The following SNX16 variants were observed in gnomAD, a reference collection of about 807,000 sequenced individuals.
The protein encoded by SNX16 is sorting nexin-16.
A neutral mutation model predicts 36.7 loss-of-function variants in SNX16; 35 were observed. The observed-to-expected ratio is 0.95, with a 90% confidence interval of 0.73 to 1.27. The LOEUF is 1.27. Among genes scored for constraint, SNX16 ranks in the 50% most tolerant of loss-of-function variants. The pLI is 0.00. For synonymous variants in SNX16, 134 were observed against 132.0 expected (o/e 1.02, Z -0.10); for missense variants, 367 against 393.6 (o/e 0.93, Z 0.57).
chr8:81,822,720 T>C (rs1346958353), intron 4 of SNX16, among the ~76,000 whole-genome samples: 1 of 152,000 alleles, frequency 6.6e-6, no homozygotes, highest in African/African-American at 2.4e-5. Context: ...GAAAAAAGTC[T>C]GCATACTAAA....
intron 2 of SNX16, among the ~76,000 whole-genome samples, chr8:81,836,519 G>C (rs1242026899): frequency 6.6e-6 from 1 of 152,146 alleles, no homozygotes; most frequent in Non-Finnish European, 1.5e-5. Flanking sequence ...TTAAATGGCA[G>C]CCATATCTTC....
chr8:81,813,298 A>T (rs1361372532), intron 5 of SNX16, among the ~76,000 whole-genome samples: 2 of 152,002 alleles, frequency 1.3e-5, no homozygotes, highest in Non-Finnish European at 2.9e-5. Context: ...TAGAATTAAG[A>T]GTCCAGAAAC....
Position 81,839,906 on chromosome 8 carries a change from ACTT to A in SNX16, c.78_80del (p.Arg26del). 4 of 1,613,914 alleles carry A rather than the reference ACTT, an allele frequency of 2.5e-6. No individual in the cohort carries two copies. The South Asian group carries it at 4.4e-5, about 18-fold the overall frequency. On this transcript the variant is annotated inframe_deletion, in exon 2 of 8. Transcript: ENST00000345957. Reference sequence around the variant, plus strand: ...TTGTTGAGACACTGCCAAAAGAAGAACTTCTTTGATTTCTGTTTGTTGTAAAAC... The same window carrying A: ...TTGTTGAGACACTGCCAAAAGAAGAACTTTGATTTCTGTTTGTTGTAAAAC...
intron 5 of SNX16, chr8:81,808,474 G>A: frequency 1.0e-6 from 1 of 983,744 alleles, no homozygotes; most frequent in Non-Finnish European, 1.6e-6. Flanking sequence ...TGTGGTGGTG[G>A]GGGATATGGT....
chr8:81,805,771 A>G (rs1313006948), intron 5 of SNX16, among the ~76,000 whole-genome samples: 1 of 152,026 alleles, frequency 6.6e-6, no homozygotes, highest in Non-Finnish European at 1.5e-5. Context: ...ATACAAAAAA[A>G]TTAGCTGGGC....
chr8:81,821,301 C>A (rs1810730172), intron 4 of SNX16, among the ~76,000 whole-genome samples: 1 of 151,604 alleles, frequency 6.6e-6, no homozygotes, highest in Non-Finnish European at 1.5e-5. Context: ...CTCAAATGGC[C>A]CTAGTAATCT....
chr8:81,828,785 C>T (rs61366694), intron 3 of SNX16, among the ~76,000 whole-genome samples: 13,612 of 152,244 alleles, frequency 0.089, 703 homozygotes, highest in East Asian at 0.18. Context: ...ACTTGGCTCA[C>T]TGTTGCTGGC....
intron 4 of SNX16, among the ~76,000 whole-genome samples, chr8:81,822,138 GAGA>G (rs1810775457): frequency 6.6e-6 from 1 of 152,070 alleles, no homozygotes; most frequent in Non-Finnish European, 1.5e-5. Flanking sequence ...CTCTGTGATA[GAGA>G]ACTGACCTAG....
At chr8:81,838,574 G>GAA (rs534067391) in intron 2 of SNX16, among the ~76,000 whole-genome samples, 7 of 108,800 alleles carry the variant, frequency 6.4e-5, no homozygotes, top group African/African-American at 1.3e-4. Context: ...GTCCCATCTG[G>GAA]AAAAAAAAAA....
intron 2 of SNX16, among the ~76,000 whole-genome samples, chr8:81,836,205 T>C (rs1811487562): frequency 6.6e-6 from 1 of 152,208 alleles, no homozygotes; most frequent in African/African-American, 2.4e-5. Context: ...TTAAACAACC[T>C]TTTTAAAGAC....
At chr8:81,838,087 A>AATTTT (rs1388993426) in intron 2 of SNX16, among the ~76,000 whole-genome samples, 1 of 152,200 alleles carries the variant, frequency 6.6e-6, no homozygotes, top group Non-Finnish European at 1.5e-5. Flanking sequence ...TAAAAGGACA[A>AATTTT]ATTATATAAA....
chr8:81,817,807 C>T (rs915252332), intron 4 of SNX16, among the ~76,000 whole-genome samples: 17 of 152,100 alleles, frequency 1.1e-4, no homozygotes, highest in African/African-American at 2.2e-4. Flanking sequence ...AAAGGAAACC[C>T]TCACCCTTGC....
Position 81,823,836 on chromosome 8 carries a change from T to G in SNX16, c.567A>C (p.Gln189His). The change falls in exon 4 of 8, where the codon CAA becomes CAC. Residue 189 changes from glutamine to histidine, a missense_variant. By Grantham distance (24) the Gln-to-His change is conservative (BLOSUM62 0). Coordinates refer to ENST00000345957, the MANE Select transcript of SNX16 (RefSeq NM_152836.3). Reference sequence around the variant, plus strand: ...GAGCTACTAAATTTTGAAGAAACGCTTGTAATCCTAATTGTCTGTCTTCTA... The same window carrying G: ...GAGCTACTAAATTTTGAAGAAACGCGTGTAATCCTAATTGTCTGTCTTCTA... Reference protein sequence around the residue: ...DFLEDRQLGLQAFLQNLVAHK... With the variant: ...DFLEDRQLGLHAFLQNLVAHK... 3 of 1,611,780 alleles carry G rather than the reference T, an allele frequency of 1.9e-6. No homozygotes were observed. In the South Asian group the frequency reaches 3.3e-5, roughly 18 times the overall value.
chr8:81,822,794 G>C (rs1228952794), intron 4 of SNX16, among the ~76,000 whole-genome samples: 6 of 151,794 alleles, frequency 4.0e-5, no homozygotes, highest in African/African-American at 1.5e-4. Context: ...GGAGACAACT[G>C]CATATATCAA....
At chr8:81,825,519 A>C (rs1188967635) in intron 3 of SNX16, among the ~76,000 whole-genome samples, 1 of 152,138 alleles carries the variant, frequency 6.6e-6, no homozygotes. Flanking sequence ...GTGGAATCCA[A>C]AGTGTAATTA....
chr8:81,822,935 T>C (rs1364010563), intron 4 of SNX16, among the ~76,000 whole-genome samples: 7 of 101,856 alleles, frequency 6.9e-5, no homozygotes, highest in Admixed American at 2.2e-4. Flanking sequence ...TGTATATATA[T>C]ATATACATAT....
At chr8:81,815,593 T>C in intron 4 of SNX16, 199 bp from the exon 5 acceptor site, 1 of 436,584 alleles carries the variant, frequency 2.3e-6, no homozygotes, top group Admixed American at 3.4e-5. Flanking sequence ...AACATAAATA[T>C]CACAAATTTA....
At chr8:81,807,971 A>AG in intron 5 of SNX16, 1 of 788,980 alleles carries the variant, frequency 1.3e-6, no homozygotes. Context: ...ACTGTGGGGG[A>AG]GGTGGATGCA....
chr8:81,806,560 C>A (rs1028968014), intron 5 of SNX16, among the ~76,000 whole-genome samples: 1 of 152,040 alleles, frequency 6.6e-6, no homozygotes, highest in African/African-American at 2.4e-5. Flanking sequence ...CTACCACCAG[C>A]CTATAGAAAA....
Sources: allele counts gnomAD v4.1 joint callset (sites outside exome capture counted in the v4.1 genomes callset), GRCh38; gene constraint gnomAD v4.1.1; transcripts MANE v1.5; gene names NCBI Gene and HGNC (gene_info 2026-07-23, HGNC 2026-07-21).